PCDHA12: variants seen among roughly 807,000 people sequenced by gnomAD.
PCDHA12 encodes the protein protocadherin alpha-12.
A neutral mutation model predicts 60.0 loss-of-function variants in PCDHA12; 44 were observed. The observed-to-expected ratio is 0.73, with a 90% CI of 0.58 to 0.94. The LOEUF is 0.94. Among genes scored for constraint, PCDHA12 ranks in the 40% least tolerant of loss-of-function variants. The probability of loss-of-function intolerance (pLI) is 0.00; values close to 1 mark genes in which losing one functional copy is unlikely to be tolerated. For synonymous variants in PCDHA12, 569 were observed against 553.0 expected, an observed-to-expected ratio of 1.03 and a Z score of -0.40; for missense variants, 1,276 against 1,239.7, an observed-to-expected ratio of 1.03 and a Z score of -0.44.
At chr5:140,932,880 AT>A (rs1219080024) in intron 1 of PCDHA12, among the ~76,000 whole-genome samples, 2 of 151,952 alleles carry the variant, frequency 1.3e-5, no homozygotes, top group Non-Finnish European at 2.9e-5. Context: ...TGTCTTCAAT[AT>A]TTTCAGTTAG....
chr5:141,006,974 G>A (rs782657772), intron 3 of PCDHA12, among the ~76,000 whole-genome samples: 6 of 152,174 alleles, frequency 3.9e-5, no homozygotes, highest in Admixed American at 3.9e-4. Context: ...GGAGCACAGA[G>A]AGATGTGGGC....
chr5:140,904,047 A>C (rs1554191240), intron 1 of PCDHA12, among the ~76,000 whole-genome samples: 1 of 152,164 alleles, frequency 6.6e-6, no homozygotes, highest in Admixed American at 6.6e-5. Flanking sequence ...TAATTTTTTT[A>C]TTTCAATGGG....
chr5:140,945,124 C>T (rs269553), intron 1 of PCDHA12, among the ~76,000 whole-genome samples: 48,193 of 151,846 alleles, frequency 0.32, 7,977 homozygotes, highest in East Asian at 0.53. Flanking sequence ...AAAAAATCAA[C>T]TTACAAAAAT....
intron 1 of PCDHA12, chr5:140,968,189 TC>T: frequency 6.2e-7 from 1 of 1,614,034 alleles, no homozygotes; most frequent in Non-Finnish European, 8.5e-7. Context: ...GGACTCCTAT[TC>T]CATCTACATA....
intron 3 of PCDHA12, among the ~76,000 whole-genome samples, chr5:140,984,074 A>T (rs1554245949): frequency 6.6e-6 from 1 of 152,268 alleles, no homozygotes; most frequent in African/African-American, 2.4e-5. Context: ...AGTGCCAACG[A>T]TGGAGTGAAG....
At chr5:140,906,041 A>T (rs1257569280) in intron 1 of PCDHA12, among the ~76,000 whole-genome samples, 1 of 152,128 alleles carries the variant, frequency 6.6e-6, no homozygotes, top group Non-Finnish European at 1.5e-5. Context: ...GTCTGCTTTT[A>T]TTCTGGCTGC....
chr5:140,906,965 G>T (rs1273243518), intron 1 of PCDHA12, among the ~76,000 whole-genome samples: 1 of 152,124 alleles, frequency 6.6e-6, no homozygotes, highest in Non-Finnish European at 1.5e-5. Flanking sequence ...ATGGAATCGT[G>T]GTTGTGTCTT....
At position 140,876,236 on chromosome 5, in the gene PCDHA12, T is replaced by A. The variant is rs782328225; in HGVS notation, c.764T>A (p.Val255Asp). ...TATAAAGTAGTGTTGTCTGAAAATG[T>A]CCAAAACGACACAAGAGTGATCCAA... ...PSYKVVLSENVQNDTRVIQLN... is the reference protein window; with the variant it reads ...PSYKVVLSENDQNDTRVIQLN... Residue 255 changes from valine (V) to aspartate (D), a missense_variant, in exon 1 of 4, where the codon GTC becomes GAC. Coordinates refer to ENST00000398631, the MANE Select transcript of PCDHA12 (RefSeq NM_018903.4). The A allele has an allele frequency of 6.2e-7, 1 of 1,613,856 alleles. No homozygotes were observed. Among genetic ancestry groups the A allele is most frequent in the African/African-American group, 1.3e-5 (1 of 74,914 alleles).
intron 1 of PCDHA12, chr5:140,966,833 C>G: frequency 2.6e-6 from 4 of 1,563,480 alleles, no homozygotes; most frequent in Non-Finnish European, 3.5e-6. Flanking sequence ...CATGCCCTGG[C>G]TGCTGCTACT....
At chr5:140,944,928 C>A (rs1554216614) in intron 1 of PCDHA12, among the ~76,000 whole-genome samples, 1 of 152,074 alleles carries the variant, frequency 6.6e-6, no homozygotes, top group Non-Finnish European at 1.5e-5. Flanking sequence ...TTGGTTTATG[C>A]CTTCTTTAGA....
intron 1 of PCDHA12, among the ~76,000 whole-genome samples, chr5:140,912,495 GC>G (rs2075942069): frequency 6.6e-6 from 1 of 152,084 alleles, no homozygotes. Context: ...AGATCTAGGA[GC>G]TTTTTGGATG....
chr5:140,964,586 C>T (rs2095842092), intron 1 of PCDHA12, among the ~76,000 whole-genome samples: 1 of 152,078 alleles, frequency 6.6e-6, no homozygotes, highest in Non-Finnish European at 1.5e-5. Flanking sequence ...GAGGAAAGAT[C>T]ACTTTTCATG....
At chr5:140,909,927 TCA>T (rs781847647) in intron 1 of PCDHA12, among the ~76,000 whole-genome samples, 6 of 152,150 alleles carry the variant, frequency 3.9e-5, no homozygotes, top group African/African-American at 9.7e-5. Flanking sequence ...CTTTCCCCAA[TCA>T]CAGTTACTCT....
intron 3 of PCDHA12, among the ~76,000 whole-genome samples, chr5:140,985,238 A>G (rs2097143387): frequency 1.3e-5 from 2 of 152,120 alleles, no homozygotes; most frequent in Non-Finnish European, 2.9e-5. Context: ...CGCCTGGCCT[A>G]ATCTTCTTAC....
chr5:140,947,290 T>G (rs1554218137), intron 1 of PCDHA12, among the ~76,000 whole-genome samples: 2 of 151,614 alleles, frequency 1.3e-5, no homozygotes, highest in Non-Finnish European at 3.0e-5. Context: ...TTTTATTGCA[T>G]TATCTTGACA....
chr5:140,988,097 C>T (rs2097282934), intron 3 of PCDHA12, among the ~76,000 whole-genome samples: 1 of 152,084 alleles, frequency 6.6e-6, no homozygotes, highest in Admixed American at 6.5e-5. Flanking sequence ...AGCCTCGGGC[C>T]TTGTTGGAGA....
chr5:140,963,717 T>C (rs2095787814), intron 1 of PCDHA12, among the ~76,000 whole-genome samples: 1 of 152,256 alleles, frequency 6.6e-6, no homozygotes, highest in Admixed American at 6.5e-5. Context: ...ATGCTACATA[T>C]AGACTGCCAA....
At position 141,009,879 on chromosome 5, in the gene PCDHA12, A is replaced by G; in HGVS notation, c.2768A>G (p.Asn923Ser). Reference protein sequence around the residue: ...TKKKKKKKKGNKTQEKKEKGN... With the variant: ...TKKKKKKKKGSKTQEKKEKGN... ...AAAAAGAAGAAAAAGAAGAAGGGTA[A>G]CAAGACCCAGGAGAAAAAAGAGAAA... Residue 923 changes from asparagine (N) to serine (S), a missense_variant, in exon 4 of 4, where the codon AAC (asparagine) becomes AGC (serine). Asn to Ser is a conservative substitution (Grantham distance 46). Coordinates refer to ENST00000398631, the MANE Select transcript of PCDHA12 (RefSeq NM_018903.4). 12 of 1,613,884 alleles carry G rather than the reference A, an allele frequency of 7.4e-6. No individual in the cohort carries two copies. Among genetic ancestry groups the G allele is most frequent in the Non-Finnish European group, 1.0e-5 (12 of 1,179,984 alleles).
At chr5:140,935,638 T>G (rs1452378093) in intron 1 of PCDHA12, among the ~76,000 whole-genome samples, 2 of 152,214 alleles carry the variant, frequency 1.3e-5, no homozygotes, top group Admixed American at 6.5e-5. Context: ...TAGGGCTTGC[T>G]TTTTAAATTT....
Sources: gnomAD v4.1 joint callset for allele counts (sites outside exome capture counted in the v4.1 genomes callset) on GRCh38, gnomAD v4.1.1 for gene constraint, MANE v1.5 for transcripts, NCBI Gene and HGNC (gene_info 2026-07-23, HGNC 2026-07-21) for gene names.